PAK5: variants seen among roughly 807,000 people sequenced by gnomAD.
PAK5 encodes the protein p21 (RAC1) activated kinase 5, also known as serine/threonine-protein kinase PAK 5.
In PAK5, 16 loss-of-function variants were observed where a neutral mutation model predicts 65.9. The observed-to-expected ratio is 0.24, with a 90% CI of 0.16 to 0.37. The LOEUF is 0.37. PAK5 is among the 10% of genes least tolerant of loss of function. PAK5 has a pLI of 1.00. For missense variants in PAK5, 785 were observed against 903.9 expected, an observed-to-expected ratio of 0.87 and a Z score of 1.69; for synonymous variants, 371 against 354.9, an observed-to-expected ratio of 1.05 and a Z score of -0.51.
intron 2 of PAK5, among the ~76,000 whole-genome samples, chr20:9,669,945 C>A (rs982879073): frequency 2.0e-5 from 3 of 151,940 alleles, no homozygotes; most frequent in Non-Finnish European, 4.4e-5. Flanking sequence ...CACAACAGTC[C>A]CCAGAGTGTG....
intron 2 of PAK5, among the ~76,000 whole-genome samples, chr20:9,695,530 G>A (rs757697998): frequency 6.6e-6 from 1 of 151,958 alleles, no homozygotes; most frequent in Admixed American, 6.6e-5. Flanking sequence ...ATTCTAAAAA[G>A]GGAAATGCAG....
intron 2 of PAK5, among the ~76,000 whole-genome samples, chr20:9,666,637 C>A (rs1036459306): frequency 6.6e-6 from 1 of 152,096 alleles, no homozygotes; most frequent in Non-Finnish European, 1.5e-5. Context: ...CCCACCTCCA[C>A]CACCATAAGC....
At chr20:9,726,579 T>A (rs1305881714) in intron 1 of PAK5, among the ~76,000 whole-genome samples, 1 of 152,170 alleles carries the variant, frequency 6.6e-6, no homozygotes, top group Non-Finnish European at 1.5e-5. Flanking sequence ...ACAGGGATTT[T>A]TTTTAAGCAA....
chr20:9,549,430 C>T (rs1418207981), intron 7 of PAK5, among the ~76,000 whole-genome samples: 1 of 152,078 alleles, frequency 6.6e-6, no homozygotes, highest in Non-Finnish European at 1.5e-5. Context: ...GGAAGGATTA[C>T]CATTTTTAAT....
chr20:9,548,726 G>T (rs899994373), intron 7 of PAK5, among the ~76,000 whole-genome samples: 1 of 152,178 alleles, frequency 6.6e-6, no homozygotes, highest in Non-Finnish European at 1.5e-5. Flanking sequence ...ACACATTGAA[G>T]CTCTTTCTGA....
At chr20:9,666,577 C>G (rs921217921) in intron 2 of PAK5, among the ~76,000 whole-genome samples, 1 of 152,072 alleles carries the variant, frequency 6.6e-6, no homozygotes, top group African/African-American at 2.4e-5. Context: ...TCAATGATAC[C>G]CATTTCCTTG....
At chr20:9,563,117 G>T in intron 5 of PAK5, 93 bp from the exon 6 acceptor site, 1 of 1,093,256 alleles carries the variant, frequency 9.1e-7, no homozygotes. Flanking sequence ...TAAACTGATT[G>T]AGAGGTACTG....
intron 7 of PAK5, 101 bp from the exon 8 acceptor site, chr20:9,544,595 C>G: frequency 3.6e-6 from 4 of 1,097,240 alleles, no homozygotes; most frequent in Non-Finnish European, 5.5e-6. Context: ...ACAAAACAGT[C>G]TCATCAACAG....
chr20:9,659,751 T>A (rs898805677), intron 2 of PAK5, among the ~76,000 whole-genome samples: 1 of 152,194 alleles, frequency 6.6e-6, no homozygotes, highest in African/African-American at 2.4e-5. Context: ...TTTGTTTGTT[T>A]CTTTCTTTTA....
intron 4 of PAK5, among the ~76,000 whole-genome samples, 180 bp downstream of exon 4, chr20:9,579,965 T>A (rs1176876598): frequency 6.6e-6 from 1 of 152,240 alleles, no homozygotes; most frequent in East Asian, 1.9e-4. Context: ...TGAATATATA[T>A]GCCTTATCCT....
intron 1 of PAK5, among the ~76,000 whole-genome samples, chr20:9,790,168 T>C (rs1302339494): frequency 6.6e-6 from 1 of 152,154 alleles, no homozygotes; most frequent in African/African-American, 2.4e-5. Flanking sequence ...CCTGCTATTG[T>C]GTTTGAAGTT....
intron 3 of PAK5, among the ~76,000 whole-genome samples, chr20:9,608,019 A>G (rs1356899343): frequency 1.3e-5 from 2 of 152,148 alleles, no homozygotes; most frequent in African/African-American, 4.8e-5. Flanking sequence ...GTGTCTGGTG[A>G]GGGCACACTT....
intron 3 of PAK5, among the ~76,000 whole-genome samples, chr20:9,622,820 A>G (rs1247431605): frequency 6.6e-6 from 1 of 152,214 alleles, no homozygotes; most frequent in Non-Finnish European, 1.5e-5. Flanking sequence ...ACTGTCTTCC[A>G]CAAAACCAGT....
At chr20:9,581,052 T>A (rs2045972507) in intron 3 of PAK5, 122 bp from the exon 4 acceptor site, 2 of 663,614 alleles carry the variant, frequency 3.0e-6, no homozygotes, top group Non-Finnish European at 5.1e-6. Flanking sequence ...CGGGAACACT[T>A]AACACAAAAT....
chr20:9,680,841 T>C (rs1012783438), intron 2 of PAK5, among the ~76,000 whole-genome samples: 1 of 152,224 alleles, frequency 6.6e-6, no homozygotes, highest in African/African-American at 2.4e-5. Flanking sequence ...ATTCCTACCC[T>C]AGGATAGGAT....
At chr20:9,769,091 G>A (rs567716835) in intron 1 of PAK5, among the ~76,000 whole-genome samples, 1 of 152,268 alleles carries the variant, frequency 6.6e-6, no homozygotes, top group African/African-American at 2.4e-5. Context: ...AACACAGTGA[G>A]AACACAGAGT....
At chr20:9,632,930 G>C (rs913686712) in intron 3 of PAK5, among the ~76,000 whole-genome samples, 1 of 152,200 alleles carries the variant, frequency 6.6e-6, no homozygotes. Flanking sequence ...GGCCTTTCCA[G>C]TTACAGAAGT....
chr20:9,787,001 C>T (rs1227095457), intron 1 of PAK5, among the ~76,000 whole-genome samples: 2 of 152,126 alleles, frequency 1.3e-5, no homozygotes, highest in African/African-American at 4.8e-5. Flanking sequence ...ATTTCTGAAT[C>T]ACTCCTCATG....
At chr20:9,595,050 T>C (rs1053637373) in intron 3 of PAK5, among the ~76,000 whole-genome samples, 3 of 151,590 alleles carry the variant, frequency 2.0e-5, no homozygotes, top group African/African-American at 4.8e-5. Context: ...GATGTGTGTG[T>C]GCATATATGT....
Sources: gnomAD v4.1 joint callset for allele counts (sites outside exome capture counted in the v4.1 genomes callset) on GRCh38, gnomAD v4.1.1 for gene constraint, MANE v1.5 for transcripts, NCBI Gene and HGNC (gene_info 2026-07-23, HGNC 2026-07-21) for gene names.